Variants in OPCML observed in about 807,000 individuals in gnomAD.
OPCML encodes the protein opioid binding protein/cell adhesion molecule like.
In OPCML, 13 loss-of-function variants were observed where a neutral mutation model predicts 37.8. The ratio of observed to expected loss-of-function variants is 0.34; its 90% CI spans 0.22 to 0.55. The LOEUF is 0.55. Among genes scored for constraint, OPCML ranks in the 20% least tolerant of loss-of-function variants. OPCML has a pLI of 0.91. For missense variants in OPCML, 341 were observed against 435.6 expected (o/e 0.78, Z 1.93); for synonymous variants, 176 against 168.8 (o/e 1.04, Z -0.33).
chr11:133,475,532 C>T (rs1236172349), intron 1 of OPCML, among the ~76,000 whole-genome samples: 1 of 152,118 alleles, frequency 6.6e-6, no homozygotes, highest in Non-Finnish European at 1.5e-5. Flanking sequence ...ATTGCAGTAA[C>T]ACAAAGGAAA....
intron 1 of OPCML, among the ~76,000 whole-genome samples, chr11:133,448,188 ATCTATT>A (rs2081957123): frequency 6.6e-6 from 1 of 152,210 alleles, no homozygotes; most frequent in South Asian, 2.1e-4. Context: ...TAAATCTACA[ATCTATT>A]TCTAATTGTT....
intron 1 of OPCML, among the ~76,000 whole-genome samples, chr11:133,319,699 A>T (rs1474443379): frequency 1.3e-5 from 2 of 152,144 alleles, no homozygotes; most frequent in Non-Finnish European, 2.9e-5. Flanking sequence ...GCTGAGTGTT[A>T]ACTCATCCAG....
At chr11:132,720,946 G>A (rs1944655142) in intron 2 of OPCML, among the ~76,000 whole-genome samples, 1 of 151,560 alleles carries the variant, frequency 6.6e-6, no homozygotes, top group Non-Finnish European at 1.5e-5. Flanking sequence ...TATAATTCTG[G>A]ATAAACTAAT....
intron 1 of OPCML, chr11:133,422,694 AT>A (rs1945917438): frequency 1.0e-6 from 1 of 984,484 alleles, no homozygotes; most frequent in Non-Finnish European, 1.2e-6. Context: ...TCATGAGGAA[AT>A]ATATGCAAAC....
intron 1 of OPCML, among the ~76,000 whole-genome samples, chr11:133,179,194 A>G (rs1303256725): frequency 6.6e-6 from 1 of 152,222 alleles, no homozygotes; most frequent in Non-Finnish European, 1.5e-5. Flanking sequence ...CCTGAAAGAT[A>G]CAAATGTGAG....
chr11:133,005,594 C>T, intron 1 of OPCML: 1 of 985,138 alleles, frequency 1.0e-6, no homozygotes, highest in Non-Finnish European at 1.2e-6. Context: ...TTAGGGACTA[C>T]AGATGTTTTC....
chr11:132,795,096 G>A (rs575716087), intron 2 of OPCML, among the ~76,000 whole-genome samples: 468 of 151,714 alleles, frequency 3.1e-3, no homozygotes, highest in Non-Finnish European at 5.3e-3. Flanking sequence ...ATTCATATAC[G>A]TATACACACA....
chr11:132,876,469 C>T (rs1004263144), intron 2 of OPCML, among the ~76,000 whole-genome samples: 1 of 152,278 alleles, frequency 6.6e-6, no homozygotes, highest in African/African-American at 2.4e-5. Flanking sequence ...GAATGGCCAC[C>T]AGAGGCAATG....
Position 133,286,558 on chromosome 11 carries a change from T to G in OPCML, c.61+245706A>C, listed in dbSNP as rs1942306588. Among the ~76,000 whole-genome samples, 5 of 152,016 alleles carry G rather than the reference T, an allele frequency of 3.3e-5. No individual in the cohort carries two copies. The Middle Eastern group carries it at 0.01, about 310-fold the overall frequency. On this transcript the variant is annotated intron_variant, in intron 1 of 7. Coordinates refer to ENST00000524381, the MANE Select transcript of OPCML (RefSeq NM_001012393.5). ...AGTGTTCATTTGATTTCTCACTGATTCATTTGTGAATATTGGATATTTTGT... is the reference window on the plus strand; with the variant it reads ...AGTGTTCATTTGATTTCTCACTGATGCATTTGTGAATATTGGATATTTTGT...
intron 2 of OPCML, chr11:132,859,249 C>A (rs1211955843): frequency 6.6e-6 from 1 of 152,150 alleles, no homozygotes; most frequent in African/African-American, 2.4e-5. Context: ...AGCATGCATA[C>A]CTTGTATGCT....
chr11:133,229,957 G>C (rs1353992882), intron 1 of OPCML, among the ~76,000 whole-genome samples: 3 of 152,156 alleles, frequency 2.0e-5, no homozygotes, highest in African/African-American at 7.2e-5. Flanking sequence ...CTGTATGCAC[G>C]TATTCTCACT....
chr11:133,425,771 C>A (rs573391719), intron 1 of OPCML, among the ~76,000 whole-genome samples: 1 of 152,104 alleles, frequency 6.6e-6, no homozygotes, highest in South Asian at 2.1e-4. Flanking sequence ...CTGTACATAA[C>A]AAAATAGAGA....
intron 3 of OPCML, among the ~76,000 whole-genome samples, chr11:132,593,804 G>A (rs1270481309): frequency 6.6e-6 from 1 of 152,154 alleles, no homozygotes; most frequent in Non-Finnish European, 1.5e-5. Context: ...ATTAATTACT[G>A]ATACTTGTCC....
At chr11:132,769,088 T>C (rs1946551455) in intron 2 of OPCML, among the ~76,000 whole-genome samples, 2 of 142,356 alleles carry the variant, frequency 1.4e-5, no homozygotes. Flanking sequence ...CTGAGGGGGT[T>C]TGAGGTCGCT....
intron 1 of OPCML, among the ~76,000 whole-genome samples, chr11:133,150,213 G>A (rs1170234567): frequency 6.6e-6 from 1 of 152,202 alleles, no homozygotes; most frequent in Non-Finnish European, 1.5e-5. Context: ...TTTAGGGCAT[G>A]CTAGTAATAA....
At chr11:132,504,828 C>T (rs1431139653) in intron 4 of OPCML, among the ~76,000 whole-genome samples, 1 of 151,974 alleles carries the variant, frequency 6.6e-6, no homozygotes, top group African/African-American at 2.4e-5. Context: ...TGATGCAACA[C>T]GGTGAAGAGT....
rs78440889 is a variant in OPCML, at chr11:133,289,695, T to A, written c.61+242569A>T. Among the ~76,000 whole-genome samples, 986 of 152,168 alleles carry A rather than the reference T, an allele frequency of 6.5e-3. 12 individuals are homozygous for A. Among genetic ancestry groups the A allele is most frequent in the African/African-American group, 0.023 (939 of 41,506 alleles). ...GCTAGTTTCGTTGTTCTTTATTCAC[T>A]GTTAAGGAAAAGGAGCTTGAGACAG... On this transcript the variant is annotated intron_variant, in intron 1 of 7. Transcript: ENST00000524381.
chr11:132,799,888 A>C (rs1359163758), intron 2 of OPCML, among the ~76,000 whole-genome samples: 3 of 152,130 alleles, frequency 2.0e-5, no homozygotes, highest in Non-Finnish European at 4.4e-5. Context: ...GTCACTTGTA[A>C]AGTTCATTTC....
intron 1 of OPCML, among the ~76,000 whole-genome samples, chr11:133,187,966 G>T (rs981968299): frequency 6.6e-6 from 1 of 152,126 alleles, no homozygotes; most frequent in Non-Finnish European, 1.5e-5. Flanking sequence ...TTCACTCCTG[G>T]TGCGTGATGC....
Sources: allele counts gnomAD v4.1 joint callset (sites outside exome capture counted in the v4.1 genomes callset), GRCh38; gene constraint gnomAD v4.1.1; transcripts MANE v1.5; gene names NCBI Gene and HGNC (gene_info 2026-07-23, HGNC 2026-07-21).